ROBO1: variants seen among roughly 807,000 people sequenced by gnomAD.
ROBO1 encodes roundabout guidance receptor 1, also known as roundabout homolog 1.
In ROBO1, 149 loss-of-function variants were observed where a neutral mutation model predicts 195.9. The observed-to-expected ratio is 0.76, with a 90% CI of 0.67 to 0.87. The LOEUF is 0.87. ROBO1 is among the 40% of genes least tolerant of loss of function. The pLI is 0.00. For synonymous variants in ROBO1, 816 were observed against 733.2 expected (o/e 1.11, Z -1.82); for missense variants, 1,933 against 2,068.3 (o/e 0.93, Z 1.27).
chr3:79,089,537 G>A (rs1228560050), intron 3 of ROBO1, among the ~76,000 whole-genome samples: 4 of 152,062 alleles, frequency 2.6e-5, no homozygotes, highest in African/African-American at 9.7e-5. Context: ...TTATCATGCT[G>A]TTGAGATTAA....
intron 2 of ROBO1, among the ~76,000 whole-genome samples, chr3:79,485,632 T>G (rs1939118759): frequency 6.6e-6 from 1 of 152,136 alleles, no homozygotes; most frequent in African/African-American, 2.4e-5. Context: ...GCTTTAAAAT[T>G]ATTAACTCAT....
At chr3:78,650,075 G>T (rs1370284773) in intron 19 of ROBO1, among the ~76,000 whole-genome samples, 2 of 152,000 alleles carry the variant, frequency 1.3e-5, no homozygotes, top group African/African-American at 4.8e-5. Flanking sequence ...ATGTTAATTA[G>T]TCACTCTTTT....
chr3:79,735,887 C>A (rs200577807), intron 1 of ROBO1, among the ~76,000 whole-genome samples: 4,675 of 143,144 alleles, frequency 0.033, 287 homozygotes, highest in African/African-American at 0.11. Context: ...AAAAAAAAAA[C>A]AAAAAAAAAA....
In ROBO1 at chr3:78,682,706, A is replaced by AAT. The variant is rs538947018; in HGVS notation, c.1342+3038_1342+3039dup. On this transcript the variant is annotated intron_variant, in intron 10 of 30. Coordinates refer to ENST00000464233, the MANE Select transcript of ROBO1 (RefSeq NM_002941.4). ...ATATATACACACAGTAATATCAAAA[A>AAT]ATATATATATACACAGTCACATAAA... Among the ~76,000 whole-genome samples, 5 of 147,760 alleles carry AAT rather than the reference A, an allele frequency of 3.4e-5. No individual in the cohort carries two copies. In the East Asian group the frequency reaches 9.8e-4, roughly 29 times the overall value.
At chr3:79,429,285 CA>C in intron 2 of ROBO1, among the ~76,000 whole-genome samples, 1 of 152,224 alleles carries the variant, frequency 6.6e-6, no homozygotes, top group Admixed American at 6.6e-5. Context: ...AGCATTATGT[CA>C]GAATCCAGTT....
chr3:78,947,141 A>C (rs537372407), intron 3 of ROBO1, among the ~76,000 whole-genome samples: 1 of 152,282 alleles, frequency 6.6e-6, no homozygotes, highest in Non-Finnish European at 1.5e-5. Flanking sequence ...AAGGATACCA[A>C]GGAACTGAAC....
At chr3:79,605,557 C>G (rs1053289190) in intron 1 of ROBO1, among the ~76,000 whole-genome samples, 8 of 151,946 alleles carry the variant, frequency 5.3e-5, no homozygotes, top group Non-Finnish European at 1.0e-4. Context: ...TTTCCCAGCT[C>G]TACCATTCAG....
chr3:78,760,153 G>T (rs1369527342), intron 4 of ROBO1, among the ~76,000 whole-genome samples: 2 of 152,040 alleles, frequency 1.3e-5, no homozygotes, highest in African/African-American at 4.8e-5. Flanking sequence ...TATGTGAGAC[G>T]TGACTTTCAC....
At chr3:79,743,857 G>A (rs993645911) in intron 1 of ROBO1, among the ~76,000 whole-genome samples, 1 of 152,122 alleles carries the variant, frequency 6.6e-6, no homozygotes, top group Non-Finnish European at 1.5e-5. Context: ...CCCACTGGAA[G>A]GACTGCAGAA....
At chr3:78,827,562 T>G (rs1263721151) in intron 4 of ROBO1, among the ~76,000 whole-genome samples, 1 of 151,786 alleles carries the variant, frequency 6.6e-6, no homozygotes, top group African/African-American at 2.4e-5. Context: ...AGAAAAAGAA[T>G]GTGTTGTGTG....
intron 11 of ROBO1, 101 bp from the exon 12 acceptor site, chr3:78,668,666 T>C (rs1176395435): frequency 1.1e-6 from 1 of 946,138 alleles, no homozygotes; most frequent in Non-Finnish European, 1.6e-6. Context: ...TATGGATAAC[T>C]GCATTAAAAT....
Position 78,854,027 on chromosome 3 carries a change from G to A in ROBO1, c.499+84574C>T, listed in dbSNP as rs551657598. Among the ~76,000 whole-genome samples the A allele has an allele frequency of 2.0e-4, 31 of 152,124 alleles. No individual in the cohort carries two copies. In the East Asian group the frequency reaches 2.1e-3, roughly 10 times the overall value. On this transcript the variant is annotated intron_variant, in intron 4 of 30. Coordinates refer to ENST00000464233, the MANE Select transcript of ROBO1 (RefSeq NM_002941.4). ...CAATTCAAGATGAGATTTGGGTGGG[G>A]ACACAGCCAATCCATATCAAACACC...
chr3:79,550,583 C>T (rs1055835989), intron 2 of ROBO1, among the ~76,000 whole-genome samples: 6 of 152,224 alleles, frequency 3.9e-5, no homozygotes, highest in Non-Finnish European at 7.3e-5. Flanking sequence ...AAACCACTTT[C>T]TTCCTAAGAT....
chr3:79,211,107 T>C (rs1487835754), intron 2 of ROBO1, among the ~76,000 whole-genome samples: 1 of 152,032 alleles, frequency 6.6e-6, no homozygotes, highest in Non-Finnish European at 1.5e-5. Context: ...CTACGGGAGG[T>C]TGCAATTAAT....
intron 1 of ROBO1, among the ~76,000 whole-genome samples, chr3:79,689,116 T>G (rs919858096): frequency 6.6e-6 from 1 of 151,952 alleles, no homozygotes; most frequent in African/African-American, 2.4e-5. Flanking sequence ...TAACTTGTAA[T>G]AAATTAATAA....
intron 1 of ROBO1, among the ~76,000 whole-genome samples, chr3:79,655,791 A>C (rs2106782936): frequency 6.6e-6 from 1 of 152,174 alleles, no homozygotes; most frequent in African/African-American, 2.4e-5. Context: ...ACTATGTTTG[A>C]CCGAGATGTG....
chr3:79,247,928 A>T (rs886087531), intron 2 of ROBO1, among the ~76,000 whole-genome samples: 1 of 152,124 alleles, frequency 6.6e-6, no homozygotes, highest in Non-Finnish European at 1.5e-5. Flanking sequence ...GGATTTGGGA[A>T]TGTGTTTCCC....
chr3:78,612,680 A>C (rs1185959054), intron 28 of ROBO1, among the ~76,000 whole-genome samples: 1 of 152,228 alleles, frequency 6.6e-6, no homozygotes, highest in Non-Finnish European at 1.5e-5. Context: ...AAGACTTGTT[A>C]GTACAGTAAA....
chr3:78,878,575 C>G (rs1236623566), intron 4 of ROBO1, among the ~76,000 whole-genome samples: 2 of 137,418 alleles, frequency 1.5e-5, no homozygotes, highest in Admixed American at 7.2e-5. Context: ...AAGAGTGAAA[C>G]CCCATCTCAA....
Sources: allele counts gnomAD v4.1 joint callset (sites outside exome capture counted in the v4.1 genomes callset), GRCh38; gene constraint gnomAD v4.1.1; transcripts MANE v1.5; gene names NCBI Gene and HGNC (gene_info 2026-07-23, HGNC 2026-07-21).